The following MGMT variants were observed in gnomAD, a reference collection of about 807,000 sequenced individuals.
MGMT encodes the protein methylated-DNA--protein-cysteine methyltransferase.
In MGMT, 14 loss-of-function variants were observed where a neutral mutation model predicts 15.9. The observed-to-expected ratio is 0.88, with a 90% confidence interval of 0.58 to 1.37. The LOEUF is 1.37. MGMT is among the 40% of genes most tolerant of loss of function. The pLI is 0.00. For missense variants in MGMT, 282 were observed against 268.1 expected, an observed-to-expected ratio of 1.05 and a Z score of -0.36; for synonymous variants, 130 against 118.2, an observed-to-expected ratio of 1.10 and a Z score of -0.65.
rs192673683 is a variant in MGMT at position 129,552,812 on chromosome 10, G to A, written c.125+16435G>A. Among the ~76,000 whole-genome samples the A allele has an allele frequency of 3.4e-3, 515 of 152,328 alleles. 2 individuals carry two copies. Among genetic ancestry groups the A allele is most frequent in the Non-Finnish European group, 5.5e-3 (373 of 68,022 alleles). The stretch of plus-strand genomic sequence containing the variant: ...AAGGGCACGGAAGTGCAAGCAGTCC[G>A]TCCTTTTCTGAAGCCTGCTCTTTTT... On this transcript the variant is annotated intron_variant, in intron 2 of 4. Coordinates refer to ENST00000651593, the MANE Select transcript of MGMT (RefSeq NM_002412.5).
chr10:129,490,889 C>A (rs1019434309), intron 1 of MGMT, among the ~76,000 whole-genome samples: 1 of 152,184 alleles, frequency 6.6e-6, no homozygotes, highest in African/African-American at 2.4e-5. Context: ...ATAATATACA[C>A]CCTGGACTTA....
intron 2 of MGMT, among the ~76,000 whole-genome samples, chr10:129,633,858 C>G (rs1847237506): frequency 6.6e-6 from 1 of 152,230 alleles, no homozygotes. Context: ...ATATTAGTCT[C>G]TGTCTCAGTT....
At chr10:129,730,619 C>T (rs1401867198) in intron 3 of MGMT, among the ~76,000 whole-genome samples, 1 of 152,132 alleles carries the variant, frequency 6.6e-6, no homozygotes, top group African/African-American at 2.4e-5. Context: ...ACTTGATTTC[C>T]CTCCCTTCTA....
chr10:129,620,113 G>C (rs1233213445), intron 2 of MGMT, among the ~76,000 whole-genome samples: 1 of 152,118 alleles, frequency 6.6e-6, no homozygotes, highest in Non-Finnish European at 1.5e-5. Context: ...TCTAAGATTG[G>C]TCATTGATAG....
intron 2 of MGMT, among the ~76,000 whole-genome samples, chr10:129,575,707 A>G (rs1160688763): frequency 2.0e-5 from 3 of 151,600 alleles, no homozygotes; most frequent in Non-Finnish European, 4.4e-5. Context: ...AAGGAAATAG[A>G]GACACAAAAA....
At chr10:129,683,178 C>T (rs1263538992) in intron 2 of MGMT, among the ~76,000 whole-genome samples, 1 of 152,270 alleles carries the variant, frequency 6.6e-6, no homozygotes, top group Non-Finnish European at 1.5e-5. Flanking sequence ...AGAAAATGGA[C>T]AAGAGAGCAG....
chr10:129,522,743 T>TCTG (rs1845827018), intron 1 of MGMT, among the ~76,000 whole-genome samples: 1 of 152,194 alleles, frequency 6.6e-6, no homozygotes, highest in Non-Finnish European at 1.5e-5. Flanking sequence ...TGTAATCCCA[T>TCTG]GTCGATGTCT....
intron 2 of MGMT, among the ~76,000 whole-genome samples, chr10:129,588,049 C>G (rs140268881): frequency 1.6e-3 from 250 of 152,234 alleles, no homozygotes; most frequent in African/African-American, 5.9e-3. Context: ...TCACTAGTTG[C>G]AACTACAGTG....
chr10:129,492,783 T>G (rs1845482519), intron 1 of MGMT, among the ~76,000 whole-genome samples: 1 of 152,212 alleles, frequency 6.6e-6, no homozygotes, highest in African/African-American at 2.4e-5. Context: ...AGACGAGTTT[T>G]GTAATTTTTC....
intron 4 of MGMT, among the ~76,000 whole-genome samples, chr10:129,760,105 G>A (rs1416987766): frequency 6.6e-6 from 1 of 152,268 alleles, no homozygotes; most frequent in South Asian, 2.1e-4. Context: ...AGCGTGGCCT[G>A]TGGTGCCTGG....
chr10:129,610,473 G>A (rs1846946489), intron 2 of MGMT, among the ~76,000 whole-genome samples: 1 of 152,182 alleles, frequency 6.6e-6, no homozygotes, highest in Non-Finnish European at 1.5e-5. Context: ...CCCCCACCCT[G>A]CACATGGCTG....
chr10:129,724,799 T>G (rs1450485244), intron 3 of MGMT, among the ~76,000 whole-genome samples: 1 of 152,226 alleles, frequency 6.6e-6, no homozygotes, highest in African/African-American at 2.4e-5. Context: ...TGGCTGGGGT[T>G]TTTCATAATA....
At chr10:129,523,574 G>A (rs1262086505) in intron 1 of MGMT, among the ~76,000 whole-genome samples, 4 of 152,144 alleles carry the variant, frequency 2.6e-5, no homozygotes, top group African/African-American at 9.7e-5. Flanking sequence ...GACGTGGACG[G>A]GTACAGCTCC....
chr10:129,557,020 CCA>C (rs541169323), intron 2 of MGMT, among the ~76,000 whole-genome samples: 4 of 152,322 alleles, frequency 2.6e-5, no homozygotes, highest in African/African-American at 9.6e-5. Flanking sequence ...GCTGCATGCT[CCA>C]CAGTCAGACT....
At position 129,599,483 on chromosome 10, in the gene MGMT, G is replaced by T. The variant is rs558081422; in HGVS notation, c.125+63106G>T. On this transcript the variant is annotated intron_variant, in intron 2 of 4. Coordinates refer to ENST00000651593, the MANE Select transcript of MGMT (RefSeq NM_002412.5). ...CTCTCATCTTGCTGCTTCTTGTCTTGCGCATTTATCATCCCTTCGAGGCAG... is the reference window on the plus strand; with the variant it reads ...CTCTCATCTTGCTGCTTCTTGTCTTTCGCATTTATCATCCCTTCGAGGCAG... 7.2e-5 allele frequency among the ~76,000 whole-genome samples: 11 copies of T among 152,310 alleles called. No individual in the cohort carries two copies. In the South Asian group the frequency reaches 2.3e-3, roughly 32 times the overall value.
chr10:129,622,793 A>T (rs1278068737), intron 2 of MGMT, among the ~76,000 whole-genome samples: 1 of 126,700 alleles, frequency 7.9e-6, no homozygotes, highest in Non-Finnish European at 1.7e-5. Flanking sequence ...AATGGCCTGT[A>T]AAAAAAAAAA....
intron 1 of MGMT, among the ~76,000 whole-genome samples, chr10:129,493,868 G>A (rs1345948709): frequency 6.6e-6 from 1 of 152,182 alleles, no homozygotes; most frequent in Admixed American, 6.5e-5. Flanking sequence ...TGTCTTATAC[G>A]CATAGACATC....
Position 129,548,120 on chromosome 10 carries a change from G to T in MGMT, c.125+11743G>T, listed in dbSNP as rs183213029. 3.7e-3 allele frequency among the ~76,000 whole-genome samples: 570 copies of T among 152,310 alleles called. 1 individual carries two copies. The highest frequency in any genetic ancestry group is 7.5e-3 in the Admixed American group (115 of 15,304). Reference sequence around the variant, plus strand: ...AGGTTGCAATTATAAGGACAAACATGTTTTTAAGACTTAACCCATTATAGT... The same window carrying T: ...AGGTTGCAATTATAAGGACAAACATTTTTTTAAGACTTAACCCATTATAGT... On this transcript the variant is annotated intron_variant, in intron 2 of 4. Coordinates refer to ENST00000651593, the MANE Select transcript of MGMT (RefSeq NM_002412.5).
intron 2 of MGMT, among the ~76,000 whole-genome samples, chr10:129,654,557 G>C (rs564821471): frequency 6.6e-6 from 1 of 152,260 alleles, no homozygotes; most frequent in African/African-American, 2.4e-5. Context: ...AGCCTCAGCG[G>C]GGGCTGAGAT....
Sources: allele counts gnomAD v4.1 joint callset (sites outside exome capture counted in the v4.1 genomes callset), GRCh38; gene constraint gnomAD v4.1.1; transcripts MANE v1.5; gene names NCBI Gene and HGNC (gene_info 2026-07-23, HGNC 2026-07-21).